SETX: variants seen among roughly 807,000 people sequenced by gnomAD.
The protein encoded by SETX is helicase senataxin.
SETX carries 90 observed loss-of-function variants against 227.2 expected under a neutral mutation model. That is an observed-to-expected ratio of 0.40 (90% CI 0.33 to 0.47). The LOEUF is 0.47. Among genes scored for constraint, SETX ranks in the 20% least tolerant of loss-of-function variants. The pLI is 0.91. For missense variants in SETX, 3,052 were observed against 3,181.5 expected, an observed-to-expected ratio of 0.96 and a Z score of 0.98; for synonymous variants, 1,210 against 1,113.2, an observed-to-expected ratio of 1.09 and a Z score of -1.73.
Position 132,296,024 on chromosome 9 carries a change from T to C in SETX, c.5954A>G (p.Gln1985Arg), listed in dbSNP as rs879781944. The change falls in exon 15 of 26, where the codon CAG becomes CGG. Residue 1985 changes from glutamine to arginine, a missense_variant. Physicochemically the swap from Gln to Arg is conservative, Grantham distance 43 (BLOSUM62 1). Transcript: ENST00000224140. ...GTTTTCGTCTGAATGCCCCTTCCTC[T>C]GGTTCTACAATTTGCCACATATACA... is the stretch of plus-strand genomic sequence containing the variant. ...GLLYRLLTEN[Q>R]RKGHSDENSN... 9 of 1,614,216 alleles carry C rather than the reference T, an allele frequency of 5.6e-6. No individual in the cohort carries two copies. Among genetic ancestry groups the C allele is most frequent in the Middle Eastern group, 3.3e-4 (2 of 6,062 alleles).
In SETX at chr9:132,329,729, T is replaced by G. The variant is rs139200312; in HGVS notation, c.1869A>C (p.Glu623Asp). Residue 623 changes from glutamate (E) to aspartate (D), a missense_variant, in exon 10 of 26, where the codon GAA (glutamate) becomes GAC (aspartate). Around this residue, in one of 10 missense-constraint regions of SETX, gnomAD observed 1,483 missense variants for 1,312.0 expected, o/e 1.13. Transcript: ENST00000224140. ...TAGACGTCTTCCCCATTTGTTCACTTTCTTCTTTATTATAAGATGCAGGAG... is the reference window on the plus strand; with the variant it reads ...TAGACGTCTTCCCCATTTGTTCACTGTCTTCTTTATTATAAGATGCAGGAG... ...KISPASYNKE[E>D]SEQMGKTSRK... 471 of 1,614,052 alleles carry G rather than the reference T, an allele frequency of 2.9e-4. No homozygotes were observed. The highest frequency in any genetic ancestry group is 3.8e-4 in the Non-Finnish European group (448 of 1,180,040).
chr9:132,286,978 G>T (rs997506671), intron 17 of SETX, among the ~76,000 whole-genome samples: 1 of 152,214 alleles, frequency 6.6e-6, no homozygotes, highest in Non-Finnish European at 1.5e-5. Flanking sequence ...TGGAAGCCCT[G>T]AGATGCTGAC....
chr9:132,309,486 T>C (rs574253069), intron 11 of SETX, among the ~76,000 whole-genome samples: 25 of 152,238 alleles, frequency 1.6e-4, no homozygotes, highest in Non-Finnish European at 3.1e-4. Flanking sequence ...AAGGGCCAGA[T>C]AGGCTTGTGG....
chr9:132,296,048 C>T lies in SETX; in HGVS notation c.5950-20G>A. On this transcript the variant is annotated intron_variant, in intron 14 of 25. Transcript: ENST00000224140. The stretch of plus-strand genomic sequence containing the variant: ...CTGGTTCTACAATTTGCCACATATA[C>T]ATACCAAACAAACACACAAAAAATA... The T allele has an allele frequency of 1.2e-6, 2 of 1,614,138 alleles. No homozygotes were observed. Among genetic ancestry groups the T allele is most frequent in the Non-Finnish European group, 1.7e-6 (2 of 1,180,006 alleles).
intron 15 of SETX, among the ~76,000 whole-genome samples, chr9:132,290,357 A>C (rs1174372139): frequency 6.6e-6 from 1 of 151,268 alleles, no homozygotes; most frequent in African/African-American, 2.4e-5. Context: ...CAGGTGGATC[A>C]CGAGGTCAGG....
chr9:132,301,795 G>T (rs569251576), intron 11 of SETX, among the ~76,000 whole-genome samples: 2 of 152,142 alleles, frequency 1.3e-5, no homozygotes, highest in Admixed American at 1.3e-4. Context: ...CAAGAATTTT[G>T]CAACTTCTAC....
At chr9:132,294,905 T>TA (rs1334325255) in intron 15 of SETX, among the ~76,000 whole-genome samples, 1 of 152,006 alleles carries the variant, frequency 6.6e-6, no homozygotes, top group African/African-American at 2.4e-5. Context: ...TTTTGATTTT[T>TA]AAAAAAAAGA....
chr9:132,352,771 C>G (rs886762916), intron 2 of SETX, among the ~76,000 whole-genome samples: 7 of 152,218 alleles, frequency 4.6e-5, no homozygotes, highest in Admixed American at 3.9e-4. Context: ...ACAGGCACCT[C>G]AAAGTAAACA....
At chr9:132,279,335 G>A (rs1653403168) in intron 20 of SETX, among the ~76,000 whole-genome samples, 1 of 152,048 alleles carries the variant, frequency 6.6e-6, no homozygotes, top group Admixed American at 6.6e-5. Flanking sequence ...AATGGGTGCA[G>A]CACACCAACA....
At chr9:132,284,806 C>A (rs2131222054) in intron 18 of SETX, among the ~76,000 whole-genome samples, 1 of 152,272 alleles carries the variant, frequency 6.6e-6, no homozygotes, top group South Asian at 2.1e-4. Context: ...CTCACAGTTG[C>A]CACCCTCATC....
At chr9:132,268,330 GTAAGACCCTT>G (rs1842741869) in intron 25 of SETX, among the ~76,000 whole-genome samples, 1 of 152,194 alleles carries the variant, frequency 6.6e-6, no homozygotes, top group Non-Finnish European at 1.5e-5. Flanking sequence ...GGACAACATG[GTAAGACCCTT>G]TCTCTACTAA....
chr9:132,332,563 T>A (rs1375038795), intron 7 of SETX, among the ~76,000 whole-genome samples: 1 of 152,120 alleles, frequency 6.6e-6, no homozygotes, highest in African/African-American at 2.4e-5. Flanking sequence ...TCTAATAAGC[T>A]CACAAGAAAC....
chr9:132,351,376 G>T (rs1391119046), intron 2 of SETX, among the ~76,000 whole-genome samples: 1 of 152,128 alleles, frequency 6.6e-6, no homozygotes, highest in Non-Finnish European at 1.5e-5. Context: ...CAAATGTTGT[G>T]TACTTTAAAA....
At position 132,281,476 on chromosome 9, in the gene SETX, G is replaced by A; in HGVS notation, c.6645C>T (p.Val2215=). The A allele has an allele frequency of 3.1e-6, 5 of 1,611,724 alleles. No individual in the cohort carries two copies. Among genetic ancestry groups the A allele is most frequent in the Non-Finnish European group, 4.2e-6 (5 of 1,177,886 alleles). ...VGDPKQLPPT[V]ISMKAQEYGY... ...AACATAAAAAACTTACCATAGAGAT[G>A]ACTGTCGGAGGGAGCTGCTTAGGAT... The change falls in exon 20 of 26, where the codon GTC becomes GTT. Residue 2215 remains valine, a synonymous_variant. Coordinates refer to ENST00000224140, the MANE Select transcript of SETX (RefSeq NM_015046.7).
chr9:132,285,275 T>C (rs1271110976), intron 18 of SETX, among the ~76,000 whole-genome samples: 1 of 152,204 alleles, frequency 6.6e-6, no homozygotes, highest in Non-Finnish European at 1.5e-5. Flanking sequence ...AGAAAGAATT[T>C]AAATATTTAC....
Position 132,262,806 on chromosome 9 carries a change from T to A in SETX, c.*1433A>T, listed in dbSNP as rs886063550. The A allele has an allele frequency of 6.6e-6, 1 of 152,446 alleles. No individual in the cohort carries two copies. Among genetic ancestry groups the A allele is most frequent in the Non-Finnish European group, 1.5e-5 (1 of 68,040 alleles). The allele number at this position is 152,446 out of a possible 1,614,324, so 9.4% of individuals were successfully genotyped here. A position where few individuals can be genotyped will look rare whatever the true frequency, so the allele number is the denominator to read the frequency against. On this transcript the variant is annotated 3_prime_UTR_variant, in exon 26 of 26. Coordinates refer to ENST00000224140, the MANE Select transcript of SETX (RefSeq NM_015046.7). ...AGCAGATGACAAAGGAAATGTCAAA[T>A]AATGCACATGAATCTTCAGCTATTT...
rs121434376 is a variant in SETX, at chr9:132,327,511, G to A, written c.4087C>T (p.Arg1363Ter). The A allele has an allele frequency of 8.1e-6, 13 of 1,613,864 alleles. No individual in the cohort carries two copies. The highest frequency in any genetic ancestry group is 1.3e-5 in the African/African-American group (1 of 74,922). ...GTACTTTCACAATCAGAAAGTCTTC[G>A]TCTATTTTTTTGTGATTTGGGTCTG... ...QIRPKSQKNR[R>*]RLSDCESTDV... is the part of the protein sequence containing the mutation. The change falls in exon 10 of 26, where the codon CGA becomes TGA. Residue 1363 changes from arginine (R) to a stop codon, truncating the protein, a stop_gained. Coordinates refer to ENST00000224140, the MANE Select transcript of SETX (RefSeq NM_015046.7). LOFTEE classifies it high-confidence loss of function.
intron 13 of SETX, among the ~76,000 whole-genome samples, chr9:132,297,376 T>C (rs1005823820): frequency 6.6e-6 from 1 of 152,246 alleles, no homozygotes; most frequent in Non-Finnish European, 1.5e-5. Flanking sequence ...TTTTCTTCTA[T>C]TTACTACTCT....
chr9:132,326,266 A>G, intron 10 of SETX, 58 bp downstream of exon 10: 1 of 1,308,166 alleles, frequency 7.6e-7, no homozygotes, highest in Non-Finnish European at 1.1e-6. Context: ...TTCACTCAGC[A>G]AGGTAAAGAG....
Sources: gnomAD v4.1 joint callset for allele counts (sites outside exome capture counted in the v4.1 genomes callset) on GRCh38, gnomAD v4.1.1 for gene constraint, gnomAD v4.1.1 regional missense constraint, MANE v1.5 for transcripts, NCBI Gene and HGNC (gene_info 2026-07-23, HGNC 2026-07-21) for gene names.